The following PSD3 variants were observed in gnomAD, a reference collection of about 807,000 sequenced individuals.
PSD3 encodes pleckstrin and Sec7 domain containing 3.
Under a neutral mutation model 105.5 loss-of-function variants are expected in PSD3, and 49 were observed. The ratio of observed to expected loss-of-function variants is 0.46; its 90% confidence interval spans 0.37 to 0.59. PSD3 has a LOEUF of 0.59. PSD3 is among the 20% of genes least tolerant of loss of function. The pLI is 0.00. For synonymous variants in PSD3, 557 were observed against 457.8 expected, an observed-to-expected ratio of 1.22 and a Z score of -2.77; for missense variants, 1,561 against 1,263.8, an observed-to-expected ratio of 1.24 and a Z score of -3.57.
chr8:19,009,645 T>G (rs1220965149), intron 1 of PSD3, among the ~76,000 whole-genome samples: 1 of 152,196 alleles, frequency 6.6e-6, no homozygotes, highest in African/African-American at 2.4e-5. Context: ...ATTCCAGCAC[T>G]TTGGGAGGCC....
At chr8:18,726,448 A>C (rs1336410668) in intron 9 of PSD3, among the ~76,000 whole-genome samples, 1 of 152,234 alleles carries the variant, frequency 6.6e-6, no homozygotes, top group Non-Finnish European at 1.5e-5. Flanking sequence ...TTTAATATCA[A>C]CTGCTGTATA....
At chr8:18,608,438 A>C (rs6998319) in intron 11 of PSD3, among the ~76,000 whole-genome samples, 100,081 of 152,038 alleles carry the variant, frequency 0.66, 33,186 homozygotes, top group Middle Eastern at 0.83. Context: ...TTCTGAGTCA[A>C]ACTCACATAC....
chr8:18,922,651 C>A (rs1294195627), intron 2 of PSD3, among the ~76,000 whole-genome samples: 24 of 152,282 alleles, frequency 1.6e-4, no homozygotes, highest in African/African-American at 5.3e-4. Flanking sequence ...GTCTCCAAGA[C>A]TGCCCCTTCC....
chr8:18,968,390 A>C (rs1186922662), intron 1 of PSD3, among the ~76,000 whole-genome samples: 1 of 152,234 alleles, frequency 6.6e-6, no homozygotes, highest in African/African-American at 2.4e-5. Context: ...TCCTCGTTCA[A>C]ATGGTCACCT....
At position 18,603,702 on chromosome 8, in the gene PSD3, G is replaced by C. The variant is rs936814799; in HGVS notation, c.2411-3268C>G. Among the ~76,000 whole-genome samples the C allele has an allele frequency of 1.2e-4, 19 of 152,162 alleles. 1 individual carries two copies. The highest frequency in any genetic ancestry group is 9.8e-4 in the Admixed American group (15 of 15,272). ...GGGAGGTGATTGGGTCATGTGGGTG[G>C]TTTCTCATGAATGGTTTAGCACCAT... On this transcript the variant is annotated intron_variant, in intron 11 of 15. Transcript: ENST00000327040.
intron 8 of PSD3, among the ~76,000 whole-genome samples, chr8:18,785,671 G>C (rs1809073720): frequency 6.6e-6 from 1 of 152,152 alleles, no homozygotes; most frequent in Admixed American, 6.5e-5. Flanking sequence ...AAGAGGCCTA[G>C]CTTCTGGCCT....
Position 18,534,469 on chromosome 8 carries a change from T to A in PSD3, c.*1274A>T, listed in dbSNP as rs1053901286. ...GCAAAGTTAATAGAACCATTTTGAG[T>A]AGACAGAAAGAAAGGACTGAAAATA... On this transcript the variant is annotated 3_prime_UTR_variant, in exon 16 of 16. Transcript: ENST00000327040. The A allele has an allele frequency of 2.6e-5, 4 of 152,654 alleles. No individual in the cohort carries two copies. The highest frequency in any genetic ancestry group is 1.9e-4 in the East Asian group (1 of 5,174). The allele number at this position is 152,654 out of a possible 1,614,324, so 9.5% of individuals were successfully genotyped here.
At chr8:18,957,238 G>GC (rs1352314707) in intron 1 of PSD3, among the ~76,000 whole-genome samples, 1 of 151,998 alleles carries the variant, frequency 6.6e-6, no homozygotes, top group East Asian at 1.9e-4. Flanking sequence ...GGGCATGGTG[G>GC]CGCGCGCCTG....
intron 1 of PSD3, among the ~76,000 whole-genome samples, chr8:18,960,942 C>A (rs563203452): frequency 2.0e-5 from 3 of 151,932 alleles, no homozygotes; most frequent in Non-Finnish European, 2.9e-5. Flanking sequence ...AAAAACTAGG[C>A]TGTTGTGGCA....
At chr8:18,650,846 C>A (rs1217157806) in intron 10 of PSD3, among the ~76,000 whole-genome samples, 1 of 152,192 alleles carries the variant, frequency 6.6e-6, no homozygotes, top group Non-Finnish European at 1.5e-5. Context: ...CATTCAGACT[C>A]ACTCTCTGCT....
intron 14 of PSD3, among the ~76,000 whole-genome samples, chr8:18,569,358 T>A (rs1215775284): frequency 2.8e-5 from 4 of 145,208 alleles, no homozygotes; most frequent in Non-Finnish European, 6.0e-5. Context: ...CCACATCCTC[T>A]CCAGCACCTG....
At chr8:18,948,400 C>A (rs1163039062) in intron 1 of PSD3, among the ~76,000 whole-genome samples, 1 of 152,148 alleles carries the variant, frequency 6.6e-6, no homozygotes, top group Non-Finnish European at 1.5e-5. Context: ...CTGAAAACTA[C>A]ACAGAACTTT....
intron 11 of PSD3, among the ~76,000 whole-genome samples, chr8:18,608,707 T>G (rs757199968): frequency 1.3e-5 from 2 of 152,210 alleles, no homozygotes; most frequent in African/African-American, 4.8e-5. Flanking sequence ...AAGAGGAAGA[T>G]ATAAAATATT....
At chr8:19,070,152 C>T (rs1035970295) in intron 1 of PSD3, among the ~76,000 whole-genome samples, 1 of 151,884 alleles carries the variant, frequency 6.6e-6, no homozygotes, top group Non-Finnish European at 1.5e-5. Context: ...TACTCAATCC[C>T]TATTTCAGAT....
At chr8:18,799,039 A>C in intron 8 of PSD3, 2 of 401,130 alleles carry the variant, frequency 5.0e-6, no homozygotes, top group Non-Finnish European at 9.1e-6. Context: ...CATCTACTGG[A>C]CAAAGAAGAC....
At chr8:18,676,338 T>C (rs777021574) in intron 9 of PSD3, among the ~76,000 whole-genome samples, 4 of 152,134 alleles carry the variant, frequency 2.6e-5, no homozygotes, top group Non-Finnish European at 5.9e-5. Flanking sequence ...CCTTGGGAGT[T>C]AGAGATGACA....
chr8:18,709,806 C>CA (rs1415122131), intron 9 of PSD3, among the ~76,000 whole-genome samples: 1 of 152,116 alleles, frequency 6.6e-6, no homozygotes, highest in African/African-American at 2.4e-5. Context: ...ACAACAATAA[C>CA]AAAAAAGACA....
chr8:18,996,171 G>A (rs989187537), intron 1 of PSD3, among the ~76,000 whole-genome samples: 5 of 151,208 alleles, frequency 3.3e-5, no homozygotes, highest in African/African-American at 1.2e-4. Context: ...GAAACATGGG[G>A]CCTTTTGTGT....
intron 2 of PSD3, chr8:18,887,027 T>A (rs1238679908): frequency 6.6e-6 from 1 of 152,256 alleles, no homozygotes; most frequent in Admixed American, 6.5e-5. Context: ...AATGTAACCA[T>A]GTCCCCCAGT....
Sources: gnomAD v4.1 joint callset for allele counts (sites outside exome capture counted in the v4.1 genomes callset) on GRCh38, gnomAD v4.1.1 for gene constraint, MANE v1.5 for transcripts, NCBI Gene and HGNC (gene_info 2026-07-23, HGNC 2026-07-21) for gene names.